ZBTB20: variants seen among roughly 807,000 people sequenced by gnomAD.
ZBTB20 encodes the protein zinc finger and BTB domain containing 20.
A neutral mutation model predicts 56.9 loss-of-function variants in ZBTB20; 9 were observed. The observed-to-expected ratio is 0.16, with a 90% CI of 0.10 to 0.28. The LOEUF (loss-of-function observed/expected upper bound fraction) is 0.28. Among genes scored for constraint, ZBTB20 ranks in the 10% least tolerant of loss-of-function variants. The pLI is 1.00. For missense variants in ZBTB20, 655 were observed against 1,003.0 expected (o/e 0.65, Z 4.69); for synonymous variants, 417 against 420.7 (o/e 0.99, Z 0.11).
intron 5 of ZBTB20, among the ~76,000 whole-genome samples, chr3:114,749,573 AAGGAAG>A (rs2067395242): frequency 5.2e-5 from 1 of 19,232 alleles, no homozygotes; most frequent in Non-Finnish European, 3.9e-4. Flanking sequence ...AAAGAAAAGG[AAGGAAG>A]GAAGGAAGGA....
chr3:114,399,998 C>T (rs867201804), intron 7 of ZBTB20, among the ~76,000 whole-genome samples: 27 of 152,034 alleles, frequency 1.8e-4, no homozygotes, highest in African/African-American at 5.1e-4. Context: ...AAGGAAAGGG[C>T]AGTTTAAGCG....
At chr3:114,691,203 C>G (rs1455884870) in intron 6 of ZBTB20, among the ~76,000 whole-genome samples, 1 of 152,094 alleles carries the variant, frequency 6.6e-6, no homozygotes, top group Non-Finnish European at 1.5e-5. Flanking sequence ...AAGAAAAATA[C>G]TACTATATAC....
chr3:114,708,026 T>C (rs2063822948), intron 5 of ZBTB20, among the ~76,000 whole-genome samples: 1 of 152,158 alleles, frequency 6.6e-6, no homozygotes, highest in Non-Finnish European at 1.5e-5. Flanking sequence ...GCATTGTGAG[T>C]GTTCAGTTAG....
chr3:114,604,071 C>T (rs61590567), intron 6 of ZBTB20, among the ~76,000 whole-genome samples: 14,209 of 151,994 alleles, frequency 0.093, 775 homozygotes, highest in African/African-American at 0.14. Flanking sequence ...TAAACTTGCA[C>T]ATCTATGAAA....
chr3:114,645,881 C>T (rs1464491174), intron 6 of ZBTB20, among the ~76,000 whole-genome samples: 1 of 151,868 alleles, frequency 6.6e-6, no homozygotes, highest in African/African-American at 2.4e-5. Flanking sequence ...TAGTTTTTTG[C>T]CAAACAAATT....
chr3:114,492,480 C>T (rs760894080), intron 7 of ZBTB20, among the ~76,000 whole-genome samples: 1 of 152,118 alleles, frequency 6.6e-6, no homozygotes, highest in Non-Finnish European at 1.5e-5. Context: ...CCACTTCTCT[C>T]TTTTATTTCA....
intron 6 of ZBTB20, among the ~76,000 whole-genome samples, chr3:114,515,980 T>C (rs1273779435): frequency 6.6e-6 from 1 of 151,802 alleles, no homozygotes; most frequent in Non-Finnish European, 1.5e-5. Context: ...ATCTGGTTTC[T>C]CTAGCTGTGT....
chr3:114,793,855 T>C (rs2071156677), intron 5 of ZBTB20, among the ~76,000 whole-genome samples: 1 of 152,074 alleles, frequency 6.6e-6, no homozygotes, highest in Non-Finnish European at 1.5e-5. Context: ...GATTATGACA[T>C]CAATCTACAG....
chr3:114,935,009 G>A (rs183372440), intron 3 of ZBTB20, among the ~76,000 whole-genome samples: 1 of 152,062 alleles, frequency 6.6e-6, no homozygotes, highest in Non-Finnish European at 1.5e-5. Context: ...ATCAAAATTG[G>A]TTTTTATAGA....
chr3:115,117,293 T>G (rs1202860229), intron 1 of ZBTB20, among the ~76,000 whole-genome samples: 1 of 152,166 alleles, frequency 6.6e-6, no homozygotes, highest in Non-Finnish European at 1.5e-5. Flanking sequence ...AACTAGAGTA[T>G]GAAAAGCTGA....
chr3:114,325,313 G>C lies in ZBTB20; in HGVS notation c.*13692C>G, dbSNP rs1037365465. ...TTAAAGTTTGTCCCAAGGAGAGCAA[G>C]AGCAGAGTAACTAGCCTTTGTTTTC... On this transcript the variant is annotated 3_prime_UTR_variant, in exon 12 of 12. Transcript: ENST00000675478. The C allele has an allele frequency of 7.2e-5, 11 of 152,160 alleles. No individual in the cohort carries two copies. Among genetic ancestry groups the C allele is most frequent in the African/African-American group, 2.7e-4 (11 of 41,438 alleles). The allele number at this position is 152,160 out of a possible 1,614,324, so 9.4% of individuals were successfully genotyped here. A position where few individuals can be genotyped will look rare whatever the true frequency, so the allele number is the denominator to read the frequency against.
chr3:114,871,253 T>A (rs2075998534), intron 4 of ZBTB20, among the ~76,000 whole-genome samples: 2 of 152,098 alleles, frequency 1.3e-5, no homozygotes, highest in Admixed American at 1.3e-4. Flanking sequence ...GGAGTTAACT[T>A]CCTACATAGA....
rs898373654 is a variant in ZBTB20 at position 114,780,780 on chromosome 3, C to T, written c.-343+20321G>A. 1.4e-4 allele frequency among the ~76,000 whole-genome samples: 21 copies of T among 152,316 alleles called. 1 individual carries two copies. The highest frequency in any genetic ancestry group is 5.0e-4 in the African/African-American group (21 of 41,586). On this transcript the variant is annotated intron_variant, in intron 5 of 11. Coordinates refer to ENST00000675478, the MANE Select transcript of ZBTB20 (RefSeq NM_001348800.3). ...GGATTACAAGCGTGAGCCACCACGC[C>T]TGGCCCGTAGTATCCATTTTTAAAA...
At chr3:114,357,347 G>A (rs1225166777) in intron 10 of ZBTB20, 4 of 152,156 alleles carry the variant, frequency 2.6e-5, no homozygotes, top group Non-Finnish European at 4.4e-5. Flanking sequence ...TATGAAAGTT[G>A]GGGACTAGCT....
chr3:114,766,547 C>A (rs2068807051), intron 5 of ZBTB20, among the ~76,000 whole-genome samples: 1 of 143,760 alleles, frequency 7.0e-6, no homozygotes, highest in Admixed American at 7.1e-5. Context: ...TAAGCTGTTA[C>A]TGCAGGTAGG....
rs116274373 is a variant in ZBTB20 at position 115,133,086 on chromosome 3, C to T, written c.-703+14133G>A. ...ATTATGGAATATTTTGATATTTTTC[C>T]ATGGCCTAGAATGATTTAAATTACA... On this transcript the variant is annotated intron_variant, in intron 1 of 11. Transcript: ENST00000675478. Among the ~76,000 whole-genome samples, 895 of 152,006 alleles carry T rather than the reference C, an allele frequency of 5.9e-3. 12 individuals are homozygous for T. The highest frequency in any genetic ancestry group is 0.021 in the African/African-American group (866 of 41,466).
intron 4 of ZBTB20, among the ~76,000 whole-genome samples, chr3:114,835,679 G>T (rs1340071411): frequency 6.6e-6 from 1 of 152,142 alleles, no homozygotes; most frequent in East Asian, 1.9e-4. Flanking sequence ...TTGAGAATCA[G>T]TTCTAAATTT....
intron 7 of ZBTB20, among the ~76,000 whole-genome samples, chr3:114,420,882 G>A (rs1275842926): frequency 6.6e-6 from 1 of 152,140 alleles, no homozygotes; most frequent in African/African-American, 2.4e-5. Flanking sequence ...TGAGAAGTCA[G>A]TGGGTCTCCT....
chr3:115,084,486 T>C (rs185008599), intron 1 of ZBTB20, among the ~76,000 whole-genome samples: 16 of 151,896 alleles, frequency 1.1e-4, no homozygotes, highest in Non-Finnish European at 2.2e-4. Flanking sequence ...AATTAAAGTA[T>C]TAACAACAAT....
Sources: gnomAD v4.1 joint callset for allele counts (sites outside exome capture counted in the v4.1 genomes callset) on GRCh38, gnomAD v4.1.1 for gene constraint, MANE v1.5 for transcripts, NCBI Gene and HGNC (gene_info 2026-07-23, HGNC 2026-07-21) for gene names.